ZNF638: variants seen among roughly 807,000 people sequenced by gnomAD.
ZNF638 encodes CTCL tumor antigen se33-1.
ZNF638 carries 46 observed loss-of-function variants against 195.6 expected under a neutral mutation model. The observed-to-expected ratio is 0.24, with a 90% CI of 0.19 to 0.30. ZNF638 has a LOEUF of 0.30. ZNF638 is among the 10% of genes least tolerant of loss of function. The pLI, the probability that ZNF638 is intolerant of heterozygous loss-of-function variation, is 1.00. For synonymous variants in ZNF638, 845 were observed against 772.0 expected, an observed-to-expected ratio of 1.09 and a Z score of -1.57; for missense variants, 2,440 against 2,325.3, an observed-to-expected ratio of 1.05 and a Z score of -1.01.
intron 8 of ZNF638, among the ~76,000 whole-genome samples, chr2:71,371,467 T>A (rs1034255919): frequency 2.6e-5 from 4 of 152,164 alleles, no homozygotes; most frequent in Non-Finnish European, 5.9e-5. Context: ...CCACCAACAA[T>A]ATACTGAGGG....
In ZNF638 at chr2:71,423,387, T is replaced by A; in HGVS notation, c.3873T>A (p.Asp1291Glu). 1 of 1,613,554 alleles carries A rather than the reference T, an allele frequency of 6.2e-7. No homozygotes were observed. Among genetic ancestry groups the A allele is most frequent in the Non-Finnish European group, 8.5e-7 (1 of 1,179,914 alleles). The change falls in exon 22 of 28, where the codon GAT becomes GAA. Residue 1291 changes from aspartate (D) to glutamate (E), a missense_variant. Coordinates refer to ENST00000264447, the MANE Select transcript of ZNF638 (RefSeq NM_014497.5). The part of the protein sequence containing the change: ...VTLVPGIPTG[D>E]EKTVDKKNIS... ...TAGTACCAGGAATTCCCACTGGGGA[T>A]GAGAAGACAGTGGACAAAAAGAATA...
At chr2:71,431,888 A>G (rs1459601238) in intron 26 of ZNF638, among the ~76,000 whole-genome samples, 1 of 152,204 alleles carries the variant, frequency 6.6e-6, no homozygotes, top group East Asian at 1.9e-4. Flanking sequence ...ATTTTTGAAG[A>G]CAGCTTACTG....
At position 71,434,911 on chromosome 2, in the gene ZNF638, T is replaced by G; in HGVS notation, c.*104T>G. ...TAATTTTCGTTTCAGAAGCAAATAT[T>G]CGTGTTGTACAAATTTCTGATTGCC... On this transcript the variant is annotated 3_prime_UTR_variant, in exon 28 of 28. Transcript: ENST00000264447. 1 of 1,000,554 alleles carries G rather than the reference T, an allele frequency of 1.0e-6. No individual in the cohort carries two copies. The highest frequency in any genetic ancestry group is 1.5e-6 in the Non-Finnish European group (1 of 684,904). The allele number at this position is 1,000,554 out of a possible 1,614,324, so 62.0% of individuals were successfully genotyped here.
intron 10 of ZNF638, chr2:71,395,630 T>A: frequency 1.8e-6 from 1 of 554,782 alleles, no homozygotes; most frequent in Non-Finnish European, 3.4e-6. Flanking sequence ...ACAGATTGTG[T>A]TGGCTCCAGG....
chr2:71,374,411 C>T (rs2079380201), intron 8 of ZNF638, among the ~76,000 whole-genome samples: 1 of 152,108 alleles, frequency 6.6e-6, no homozygotes, highest in African/African-American at 2.4e-5. Context: ...CCTAATATTT[C>T]CCTGTCTTTC....
At chr2:71,369,143 C>T (rs1427027037) in intron 7 of ZNF638, among the ~76,000 whole-genome samples, 6 of 148,194 alleles carry the variant, frequency 4.0e-5, no homozygotes, top group African/African-American at 1.3e-4. Context: ...GAGACCAGCC[C>T]GACCAACATG....
In ZNF638 at chr2:71,349,768, A is replaced by G. The variant is rs1175230699; in HGVS notation, c.814A>G (p.Met272Val). The G allele has an allele frequency of 2.5e-6, 4 of 1,614,150 alleles. No individual in the cohort carries two copies. Among genetic ancestry groups the G allele is most frequent in the South Asian group, 2.2e-5 (2 of 91,076 alleles). ...TCCTGTTGAAGACGTATTTCGCCAA[A>G]TGGACTTCCCCGGTGAGTCCTCCAA... ...MFPVEDVFRQMDFPGESSNNR... is the reference protein window; with the variant it reads ...MFPVEDVFRQVDFPGESSNNR... Residue 272 changes from methionine to valine, a missense_variant, in exon 2 of 28, where the codon ATG becomes GTG. Transcript: ENST00000264447.
At position 71,423,133 on chromosome 2, in the gene ZNF638, A is replaced by G. The variant is rs761034610; in HGVS notation, c.3619A>G (p.Ser1207Gly). 38 of 1,614,042 alleles carry G rather than the reference A, an allele frequency of 2.4e-5. 1 individual carries two copies. In the Admixed American group the frequency reaches 4.7e-4, roughly 20 times the overall value. Residue 1207 changes from serine (S) to glycine (G), a missense_variant, in exon 22 of 28, where the codon AGT becomes GGT. Around this residue, in one of 5 missense-constraint regions of ZNF638, gnomAD observed 1,883 missense variants for 1,739.1 expected, o/e 1.08. Transcript: ENST00000264447. The stretch of plus-strand genomic sequence containing the variant: ...TGCTTTAAATCAGCAGATGTTTAAC[A>G]GTGACTTGGAGAAGAAAGGGGCAGA... ...ECALNQQMFN[S>G]DLEKKGAEII...
intron 1 of ZNF638, among the ~76,000 whole-genome samples, chr2:71,343,222 T>C: frequency 6.6e-6 from 1 of 152,182 alleles, no homozygotes; most frequent in East Asian, 1.9e-4. Flanking sequence ...ACTTTGGCTA[T>C]AGGAACGCAA....
intron 10 of ZNF638, chr2:71,393,395 C>A: frequency 1.4e-6 from 1 of 718,556 alleles, no homozygotes; most frequent in South Asian, 1.5e-5. Context: ...CCCCCTCAGG[C>A]CCTCTTTGGA....
intron 10 of ZNF638, among the ~76,000 whole-genome samples, chr2:71,391,299 T>C (rs1481578133): frequency 6.6e-6 from 1 of 152,104 alleles, no homozygotes; most frequent in African/African-American, 2.4e-5. Flanking sequence ...TTAATACTAT[T>C]CCCCTTGCAG....
At chr2:71,429,358 A>G (rs1305573445) in intron 25 of ZNF638, among the ~76,000 whole-genome samples, 2 of 152,136 alleles carry the variant, frequency 1.3e-5, no homozygotes, top group African/African-American at 4.8e-5. Flanking sequence ...GCTGCTCCCA[A>G]TATATTAGAG....
At chr2:71,386,075 C>A (rs2079631724) in intron 10 of ZNF638, among the ~76,000 whole-genome samples, 1 of 151,972 alleles carries the variant, frequency 6.6e-6, no homozygotes, top group Admixed American at 6.6e-5. Context: ...TTAACTTCAA[C>A]ATCCATTTCT....
intron 8 of ZNF638, among the ~76,000 whole-genome samples, chr2:71,377,230 C>G (rs1174797208): frequency 6.6e-6 from 1 of 152,040 alleles, no homozygotes; most frequent in African/African-American, 2.4e-5. Flanking sequence ...GAGACCCTAT[C>G]TCAACAAAAG....
At chr2:71,369,749 A>G (rs1038279345) in intron 7 of ZNF638, 134 bp from the exon 8 acceptor site, 73 of 816,698 alleles carry the variant, frequency 8.9e-5, no homozygotes, top group Admixed American at 3.7e-4. Context: ...CCAAAATAAA[A>G]ACAGGCAAAA....
At chr2:71,379,542 G>A (rs997331111) in intron 8 of ZNF638, 3 of 152,144 alleles carry the variant, frequency 2.0e-5, no homozygotes, top group Non-Finnish European at 4.4e-5. Flanking sequence ...TGGCCCTAAA[G>A]TGCAAGTATG....
intron 27 of ZNF638, among the ~76,000 whole-genome samples, chr2:71,433,879 T>A (rs765838506): frequency 6.6e-6 from 1 of 152,228 alleles, no homozygotes; most frequent in Non-Finnish European, 1.5e-5. Flanking sequence ...ATGAGGTAGA[T>A]GCTATTATTC....
intron 10 of ZNF638, among the ~76,000 whole-genome samples, chr2:71,382,653 A>G (rs1351056978): frequency 1.3e-5 from 2 of 152,220 alleles, no homozygotes; most frequent in Non-Finnish European, 2.9e-5. Flanking sequence ...GAGGCTTAGG[A>G]TGTATCAGTG....
At chr2:71,409,876 G>GT (rs2080177441) in intron 20 of ZNF638, among the ~76,000 whole-genome samples, 1 of 151,980 alleles carries the variant, frequency 6.6e-6, no homozygotes, top group Admixed American at 6.6e-5. Context: ...ATTCTGTCAC[G>GT]TCACAGGTGG....
Sources: allele counts gnomAD v4.1 joint callset (sites outside exome capture counted in the v4.1 genomes callset), GRCh38; gene constraint gnomAD v4.1.1; regional missense constraint gnomAD v4.1.1; transcripts MANE v1.5; gene names NCBI Gene and HGNC (gene_info 2026-07-23, HGNC 2026-07-21).